Variants in WWOX observed in about 807,000 individuals in gnomAD.
The protein encoded by WWOX is WW domain-containing oxidoreductase.
A neutral mutation model predicts 46.2 loss-of-function variants in WWOX; 69 were observed. That is an observed-to-expected ratio of 1.49 (90% CI 1.23 to 1.82). The LOEUF (loss-of-function observed/expected upper bound fraction) is 1.82, where lower values mean the gene tolerates loss of function less well. WWOX is among the 40% of genes most tolerant of loss of function. The probability of loss-of-function intolerance (pLI) is 0.00; values close to 1 mark genes in which losing one functional copy is unlikely to be tolerated. For synonymous variants in WWOX, 359 were observed against 202.6 expected (o/e 1.77, Z -6.56); for missense variants, 919 against 542.6 (o/e 1.69, Z -6.89).
At chr16:79,011,431 C>G (rs944484599) in intron 8 of WWOX, among the ~76,000 whole-genome samples, 1 of 150,422 alleles carries the variant, frequency 6.6e-6, no homozygotes, top group Non-Finnish European at 1.5e-5. Flanking sequence ...GTTTTCATCC[C>G]CCATAGTCTT....
chr16:78,725,063 G>A (rs970752420), intron 8 of WWOX, among the ~76,000 whole-genome samples: 1 of 152,074 alleles, frequency 6.6e-6, no homozygotes, highest in African/African-American at 2.4e-5. Flanking sequence ...GGAGGGACCG[G>A]GTGGGAGAAT....
chr16:78,469,849 G>A (rs574259521), intron 8 of WWOX, among the ~76,000 whole-genome samples: 25 of 152,304 alleles, frequency 1.6e-4, no homozygotes, highest in African/African-American at 6.0e-4. Context: ...TTGGTTATTT[G>A]CTAAACAGAT....
intron 8 of WWOX, among the ~76,000 whole-genome samples, chr16:78,724,969 G>A (rs894843272): frequency 1.3e-5 from 2 of 152,142 alleles, no homozygotes; most frequent in Admixed American, 1.3e-4. Flanking sequence ...TTGCATTAAT[G>A]CACTTTATTG....
intron 8 of WWOX, among the ~76,000 whole-genome samples, chr16:78,914,880 GAAAAAAAAA>G (rs10706775): frequency 4.3e-5 from 3 of 69,396 alleles, no homozygotes; most frequent in African/African-American, 1.9e-4. Flanking sequence ...CTCCGCCTCA[GAAAAAAAAA>G]AAAAAAAAAA....
chr16:79,151,767 G>A (rs1272289816), intron 8 of WWOX, among the ~76,000 whole-genome samples: 6 of 152,200 alleles, frequency 3.9e-5, no homozygotes, highest in Non-Finnish European at 8.8e-5. Context: ...CACCTAATGG[G>A]CCTATTTGAT....
At chr16:78,650,861 G>C (rs540181228) in intron 8 of WWOX, among the ~76,000 whole-genome samples, 6 of 152,334 alleles carry the variant, frequency 3.9e-5, no homozygotes, top group Non-Finnish European at 5.9e-5. Context: ...GAATATTTCG[G>C]ATTTATATTA....
chr16:78,370,044 A>G (rs57366517), intron 5 of WWOX, among the ~76,000 whole-genome samples: 2 of 146,466 alleles, frequency 1.4e-5, no homozygotes, highest in African/African-American at 2.5e-5. Context: ...AAGCATCAGA[A>G]TCGCTTCAGC....
At chr16:78,406,463 C>G (rs1237977789) in intron 6 of WWOX, among the ~76,000 whole-genome samples, 1 of 149,970 alleles carries the variant, frequency 6.7e-6, no homozygotes, top group South Asian at 2.1e-4. Flanking sequence ...AGCGATTCCC[C>G]TGCCTTAGCC....
At chr16:78,101,744 G>A (rs71396148) in intron 1 of WWOX, among the ~76,000 whole-genome samples, 8 of 152,188 alleles carry the variant, frequency 5.3e-5, no homozygotes, top group Non-Finnish European at 1.2e-4. Context: ...TGGCAAGGTA[G>A]AGGAAAAACA....
At chr16:79,080,661 GGTCTT>G (rs2048743977) in intron 8 of WWOX, among the ~76,000 whole-genome samples, 1 of 152,100 alleles carries the variant, frequency 6.6e-6, no homozygotes, top group Non-Finnish European at 1.5e-5. Context: ...CCGGCATCGG[GGTCTT>G]GTTGAAAAAC....
At chr16:78,769,103 A>G (rs938514903) in intron 8 of WWOX, among the ~76,000 whole-genome samples, 1 of 152,240 alleles carries the variant, frequency 6.6e-6, no homozygotes, top group African/African-American at 2.4e-5. Flanking sequence ...AGGCTCTGGC[A>G]TTTGATAGTG....
At chr16:79,102,742 G>A (rs1049739884) in intron 8 of WWOX, among the ~76,000 whole-genome samples, 1 of 151,934 alleles carries the variant, frequency 6.6e-6, no homozygotes, top group African/African-American at 2.4e-5. Flanking sequence ...GAAGCTAAAG[G>A]GTACATGTTT....
intron 8 of WWOX, among the ~76,000 whole-genome samples, chr16:78,828,875 G>A (rs914885494): frequency 5.3e-5 from 8 of 152,146 alleles, no homozygotes; most frequent in East Asian, 1.9e-4. Flanking sequence ...TTGCATTCTT[G>A]TATGTAATCC....
At chr16:78,781,585 C>A (rs189624404) in intron 8 of WWOX, among the ~76,000 whole-genome samples, 16 of 152,204 alleles carry the variant, frequency 1.1e-4, no homozygotes, top group Non-Finnish European at 2.1e-4. Flanking sequence ...TTATCTATCC[C>A]CCACCCCCAC....
intron 8 of WWOX, among the ~76,000 whole-genome samples, chr16:78,530,694 C>A (rs373024527): frequency 5.6e-4 from 86 of 152,314 alleles, no homozygotes; most frequent in African/African-American, 1.8e-3. Context: ...ATGGGGCCCT[C>A]ACCACGGACC....
intron 8 of WWOX, chr16:78,895,726 T>G (rs1440228852): frequency 6.6e-6 from 1 of 152,198 alleles, no homozygotes; most frequent in Non-Finnish European, 1.5e-5. Context: ...TCAAATTGAT[T>G]GAGGAACGCA....
chr16:78,887,364 C>T (rs1170458268), intron 8 of WWOX, among the ~76,000 whole-genome samples: 1 of 151,832 alleles, frequency 6.6e-6, no homozygotes, highest in Non-Finnish European at 1.5e-5. Context: ...CAACTCCCCA[C>T]GTTTTGGAAT....
chr16:79,139,965 C>T (rs1000845229), intron 8 of WWOX, among the ~76,000 whole-genome samples: 2 of 152,178 alleles, frequency 1.3e-5, no homozygotes, highest in Non-Finnish European at 2.9e-5. Context: ...CATTTTAGCA[C>T]CAACATTGGT....
chr16:78,263,017 A>G (rs1490622189), intron 5 of WWOX, among the ~76,000 whole-genome samples: 1 of 152,142 alleles, frequency 6.6e-6, no homozygotes, highest in Non-Finnish European at 1.5e-5. Context: ...CTCTGTCTCC[A>G]TCCCTTGGCT....
Sources: allele counts gnomAD v4.1 joint callset (sites outside exome capture counted in the v4.1 genomes callset), GRCh38; gene constraint gnomAD v4.1.1; transcripts MANE v1.5; gene names NCBI Gene and HGNC (gene_info 2026-07-23, HGNC 2026-07-21).